The following LCA5 variants were observed in gnomAD, a reference collection of about 807,000 sequenced individuals.
LCA5 encodes lebercilin.
A neutral mutation model predicts 53.0 loss-of-function variants in LCA5; 37 were observed. The ratio of observed to expected loss-of-function variants is 0.70; its 90% confidence interval spans 0.54 to 0.92. The LOEUF is 0.92. Ranked by LOEUF, LCA5 falls within the 40% of genes least tolerant of loss-of-function variation. LCA5 has a pLI of 0.00. For missense variants in LCA5, 806 were observed against 790.5 expected, an observed-to-expected ratio of 1.02 and a Z score of -0.23; for synonymous variants, 303 against 282.9, an observed-to-expected ratio of 1.07 and a Z score of -0.71.
At chr6:79,497,378 C>T (rs941725644) in intron 3 of LCA5, among the ~76,000 whole-genome samples, 17 of 152,050 alleles carry the variant, frequency 1.1e-4, no homozygotes, top group Admixed American at 6.6e-4. Flanking sequence ...GAAGGTCAGG[C>T]GACATCATGT....
intron 3 of LCA5, among the ~76,000 whole-genome samples, chr6:79,500,659 G>A (rs1770113385): frequency 6.6e-6 from 1 of 152,166 alleles, no homozygotes; most frequent in Non-Finnish European, 1.5e-5. Flanking sequence ...GCTTGATAAT[G>A]CAAAGCATAC....
At chr6:79,516,831 A>G (rs1316607457) in intron 2 of LCA5, among the ~76,000 whole-genome samples, 1 of 151,934 alleles carries the variant, frequency 6.6e-6, no homozygotes, top group African/African-American at 2.4e-5. Context: ...TAACATAGTA[A>G]AAATAAATTA....
chr6:79,519,260 G>C (rs1267151073), intron 1 of LCA5, among the ~76,000 whole-genome samples, 175 bp from the exon 2 acceptor site: 1 of 152,140 alleles, frequency 6.6e-6, no homozygotes, highest in Non-Finnish European at 1.5e-5. Context: ...AGAAAATACA[G>C]ACTGTCATAG....
intron 1 of LCA5, among the ~76,000 whole-genome samples, chr6:79,528,220 G>C (rs548478911): frequency 1.4e-4 from 21 of 152,250 alleles, no homozygotes; most frequent in African/African-American, 4.8e-4. Context: ...TTCCTGCATT[G>C]CGGAGGTCAA....
chr6:79,504,909 A>C (rs953628639), intron 3 of LCA5, among the ~76,000 whole-genome samples: 1 of 152,190 alleles, frequency 6.6e-6, no homozygotes, highest in Non-Finnish European at 1.5e-5. Context: ...GTATTGAACA[A>C]TGTGTATGGT....
chr6:79,505,566 T>C (rs1201787768), intron 3 of LCA5, among the ~76,000 whole-genome samples: 1 of 152,166 alleles, frequency 6.6e-6, no homozygotes, highest in Non-Finnish European at 1.5e-5. Flanking sequence ...AATCATTCCG[T>C]TTAATTTCTC....
At chr6:79,525,048 G>T (rs1374642467) in intron 1 of LCA5, 1 of 151,550 alleles carries the variant, frequency 6.6e-6, no homozygotes, top group Admixed American at 6.6e-5. Context: ...ACTCTTTGTT[G>T]TTCCGATTTT....
Position 79,491,595 on chromosome 6 carries a change from A to T in LCA5, c.1091T>A (p.Leu364His), listed in dbSNP as rs374484347. Residue 364 changes from leucine to histidine, a missense_variant, in exon 6 of 8, where the codon CTT becomes CAT. Coordinates refer to ENST00000369846, the MANE Select transcript of LCA5 (RefSeq NM_001122769.3). ...CAATACTGCTAAACTCACCAAAGTA[A>T]GATGTCCTGGTTCTTCCCATTTGTT... ...YENKWEEPGH[L>H]TLDLQSQKQD... 8 of 1,612,790 alleles carry T rather than the reference A, an allele frequency of 5.0e-6. No homozygotes were observed. In the African/African-American group the frequency reaches 1.1e-4, roughly 22 times the overall value.
intron 1 of LCA5, among the ~76,000 whole-genome samples, chr6:79,527,311 C>T (rs1766820359): frequency 1.3e-5 from 2 of 152,142 alleles, no homozygotes; most frequent in South Asian, 4.1e-4. Flanking sequence ...CATAGGCTGG[C>T]CCCATTTCTG....
intron 2 of LCA5, among the ~76,000 whole-genome samples, chr6:79,516,460 T>C (rs1389149724): frequency 4.6e-5 from 7 of 151,958 alleles, no homozygotes; most frequent in Non-Finnish European, 7.4e-5. Context: ...TTGTTTTATA[T>C]GAAAAGTTAA....
Position 79,521,955 on chromosome 6 carries a change from G to A in LCA5, c.-191-2870C>T, listed in dbSNP as rs569609664. Among the ~76,000 whole-genome samples the A allele has an allele frequency of 6.6e-5, 10 of 152,184 alleles. No homozygotes were observed. In the South Asian group the frequency reaches 2.1e-3, roughly 32 times the overall value. On this transcript the variant is annotated intron_variant, in intron 1 of 7. Transcript: ENST00000369846. Reference sequence around the variant, plus strand: ...TACTTGCCAAAGACAAGGCAAATTTGTTATCAATACGAATTATATCAGCAA... The same window carrying A: ...TACTTGCCAAAGACAAGGCAAATTTATTATCAATACGAATTATATCAGCAA...
chr6:79,516,060 C>T (rs1766428094), intron 2 of LCA5, among the ~76,000 whole-genome samples: 2 of 151,616 alleles, frequency 1.3e-5, no homozygotes, highest in African/African-American at 4.8e-5. Flanking sequence ...CAAAATATTT[C>T]ATAATGTTTT....
chr6:79,491,562 G>A (rs1203599200), intron 6 of LCA5, 26 bp downstream of exon 6: 1 of 1,611,042 alleles, frequency 6.2e-7, no homozygotes, highest in Non-Finnish European at 8.5e-7. Context: ...ACCGAGTTTG[G>A]TACATAACAA....
intron 1 of LCA5, among the ~76,000 whole-genome samples, chr6:79,526,368 C>A (rs1368292936): frequency 2.0e-5 from 3 of 152,060 alleles, no homozygotes; most frequent in Admixed American, 6.6e-5. Flanking sequence ...CACGGTGAAA[C>A]CCCGTCTCTA....
intron 6 of LCA5, among the ~76,000 whole-genome samples, chr6:79,490,181 T>C (rs1298417603): frequency 2.0e-5 from 3 of 152,124 alleles, no homozygotes; most frequent in African/African-American, 7.2e-5. Context: ...TTAAGTCTTT[T>C]TCCAATAGCA....
intron 1 of LCA5, among the ~76,000 whole-genome samples, chr6:79,532,296 C>T (rs1766982062): frequency 6.6e-6 from 1 of 152,194 alleles, no homozygotes; most frequent in African/African-American, 2.4e-5. Flanking sequence ...TGTAGAACTT[C>T]TGCAATAACC....
chr6:79,500,779 A>T (rs1483081149), intron 3 of LCA5, among the ~76,000 whole-genome samples: 1 of 152,170 alleles, frequency 6.6e-6, no homozygotes, highest in Non-Finnish European at 1.5e-5. Context: ...AAATAAATCC[A>T]TTTCTCCTGC....
chr6:79,517,072 T>G (rs1766459960), intron 2 of LCA5, among the ~76,000 whole-genome samples: 1 of 152,064 alleles, frequency 6.6e-6, no homozygotes, highest in Admixed American at 6.6e-5. Flanking sequence ...AAAATGCTGT[T>G]TGAATCACAT....
intron 3 of LCA5, among the ~76,000 whole-genome samples, chr6:79,504,329 G>T (rs1270759609): frequency 5.9e-5 from 9 of 152,062 alleles, no homozygotes; most frequent in Non-Finnish European, 1.3e-4. Context: ...AATGTTAAAA[G>T]AATAACTTTA....
Sources: allele counts gnomAD v4.1 joint callset (sites outside exome capture counted in the v4.1 genomes callset), GRCh38; gene constraint gnomAD v4.1.1; transcripts MANE v1.5; gene names NCBI Gene and HGNC (gene_info 2026-07-23, HGNC 2026-07-21).